AKR1D1: variants seen among roughly 807,000 people sequenced by gnomAD.
The protein encoded by AKR1D1 is delta(4)-3-ketosteroid 5-beta-reductase.
In AKR1D1, 32 loss-of-function variants were observed where a neutral mutation model predicts 42.6. The observed-to-expected ratio is 0.75, with a 90% confidence interval of 0.57 to 1.01. AKR1D1 has a LOEUF of 1.01. Among genes scored for constraint, AKR1D1 ranks in the 50% least tolerant of loss-of-function variants. The pLI, the probability that AKR1D1 is intolerant of heterozygous loss-of-function variation, is 0.00. For synonymous variants in AKR1D1, 123 were observed against 135.5 expected, an observed-to-expected ratio of 0.91 and a Z score of 0.64; for missense variants, 364 against 402.2, an observed-to-expected ratio of 0.91 and a Z score of 0.81.
Position 138,107,659 on chromosome 7 carries a change from T to C in AKR1D1, c.855+79T>C, listed in dbSNP as rs557523692. On this transcript the variant is annotated intron_variant, in intron 7 of 8. Transcript: ENST00000242375. ...CTTTTATAGAATGTGTTCAGCTTAATAGGAAACCTGTAACACTCTCATATT... is the reference window on the plus strand; with the variant it reads ...CTTTTATAGAATGTGTTCAGCTTAACAGGAAACCTGTAACACTCTCATATT... 6.7e-6 allele frequency: 10 copies of C among 1,485,366 alleles called. No homozygotes were observed. The African/African-American group carries it at 1.1e-4, about 16-fold the overall frequency. The allele number at this position is 1,485,366 out of a possible 1,614,324, so 92.0% of individuals were successfully genotyped here.
intron 2 of AKR1D1, among the ~76,000 whole-genome samples, chr7:138,089,128 G>T (rs1309347240): frequency 4.6e-5 from 7 of 152,130 alleles, no homozygotes; most frequent in African/African-American, 1.7e-4. Flanking sequence ...CAGGTGTTTT[G>T]CTTGAGCTCA....
At chr7:138,111,354 C>G (rs1794533434) in intron 7 of AKR1D1, among the ~76,000 whole-genome samples, 1 of 152,142 alleles carries the variant, frequency 6.6e-6, no homozygotes, top group Middle Eastern at 3.2e-3. Context: ...CATTCCCTTC[C>G]CCCACTATCT....
rs550662196 is a variant in AKR1D1 at position 138,084,601 on chromosome 7, G to A, written c.94-4000G>A. Reference sequence around the variant, plus strand: ...ACCAGATTTTTTGTTTTACTGTTCAGTGAGATTGTCTTTAATTGTGGAATC... The same window carrying A: ...ACCAGATTTTTTGTTTTACTGTTCAATGAGATTGTCTTTAATTGTGGAATC... On this transcript the variant is annotated intron_variant, in intron 1 of 8. Coordinates refer to ENST00000242375, the MANE Select transcript of AKR1D1 (RefSeq NM_005989.4). Among the ~76,000 whole-genome samples, 9 of 152,220 alleles carry A rather than the reference G, an allele frequency of 5.9e-5. No individual in the cohort carries two copies. The South Asian group carries it at 1.7e-3, about 28-fold the overall frequency.
chr7:138,083,320 T>C (rs912757123), intron 1 of AKR1D1, among the ~76,000 whole-genome samples: 1 of 152,266 alleles, frequency 6.6e-6, no homozygotes, highest in African/African-American at 2.4e-5. Flanking sequence ...ATATACCTAT[T>C]GGCCATTTGT....
intron 3 of AKR1D1, 62 bp from the exon 4 acceptor site, chr7:138,097,804 A>T: frequency 1.6e-6 from 2 of 1,279,738 alleles, no homozygotes; most frequent in Admixed American, 3.6e-5. Flanking sequence ...TCTAAATTCT[A>T]TTATTTAATT....
chr7:138,094,842 GT>G lies in AKR1D1; in HGVS notation c.378+2965del, dbSNP rs542608958. Among the ~76,000 whole-genome samples the G allele has an allele frequency of 4.5e-3, 691 of 152,234 alleles. 2 individuals carry two copies. Among genetic ancestry groups the G allele is most frequent in the Non-Finnish European group, 7.6e-3 (516 of 68,018 alleles). The stretch of plus-strand genomic sequence containing the variant: ...ACTTCACATGCTTTTTGAATCTTAA[GT>G]TTTTTTAAACAAAAAATCTTTTTTG... On this transcript the variant is annotated intron_variant, in intron 3 of 8. Coordinates refer to ENST00000242375, the MANE Select transcript of AKR1D1 (RefSeq NM_005989.4).
At chr7:138,096,158 A>T (rs1243721185) in intron 3 of AKR1D1, among the ~76,000 whole-genome samples, 1 of 152,028 alleles carries the variant, frequency 6.6e-6, no homozygotes, top group Admixed American at 6.6e-5. Context: ...GTGAGCCATA[A>T]TCATGCCACC....
chr7:138,082,251 G>C (rs997084286), intron 1 of AKR1D1, among the ~76,000 whole-genome samples: 2 of 152,058 alleles, frequency 1.3e-5, no homozygotes, highest in Admixed American at 6.6e-5. Context: ...TGTTTGTTTT[G>C]TTTATAGAAT....
intron 1 of AKR1D1, among the ~76,000 whole-genome samples, chr7:138,086,369 C>T (rs1803179346): frequency 6.6e-6 from 1 of 152,138 alleles, no homozygotes; most frequent in South Asian, 2.1e-4. Context: ...GGCCTTTTGA[C>T]TCAATTACTG....
chr7:138,077,331 CA>C (rs1802961083), intron 1 of AKR1D1, among the ~76,000 whole-genome samples: 3 of 152,100 alleles, frequency 2.0e-5, no homozygotes, highest in African/African-American at 7.2e-5. Context: ...AAGATGGCAG[CA>C]AGGAGAAGTG....
intron 4 of AKR1D1, among the ~76,000 whole-genome samples, chr7:138,104,959 C>T (rs2117458912): frequency 6.6e-6 from 1 of 152,154 alleles, no homozygotes; most frequent in Non-Finnish European, 1.5e-5. Flanking sequence ...AAGTCTCACT[C>T]TGTTGCCCAG....
At chr7:138,098,562 A>T (rs1794228747) in intron 4 of AKR1D1, among the ~76,000 whole-genome samples, 1 of 152,178 alleles carries the variant, frequency 6.6e-6, no homozygotes, top group African/African-American at 2.4e-5. Context: ...GTGAGCCGAG[A>T]TCATGCCACT....
intron 1 of AKR1D1, among the ~76,000 whole-genome samples, chr7:138,079,130 C>T (rs1158203853): frequency 6.6e-6 from 1 of 152,168 alleles, no homozygotes; most frequent in Non-Finnish European, 1.5e-5. Flanking sequence ...TGACACCCGG[C>T]CCTAAACATT....
At chr7:138,097,627 T>C (rs1194077768) in intron 3 of AKR1D1, among the ~76,000 whole-genome samples, 1 of 152,180 alleles carries the variant, frequency 6.6e-6, no homozygotes, top group Non-Finnish European at 1.5e-5. Context: ...CAGATGCAGG[T>C]GTCAGCTGTA....
At chr7:138,107,133 C>T (rs1206779353) in intron 6 of AKR1D1, 1 of 602,338 alleles carries the variant, frequency 1.7e-6, no homozygotes, top group African/African-American at 1.8e-5. Flanking sequence ...TTCAGTCTTC[C>T]TACCTTTCCC....
At chr7:138,113,519 C>T (rs1794573940) in intron 7 of AKR1D1, among the ~76,000 whole-genome samples, 171 bp from the exon 8 acceptor site, 1 of 152,072 alleles carries the variant, frequency 6.6e-6, no homozygotes, top group African/African-American at 2.4e-5. Context: ...AAACAAAGGG[C>T]AGAACAGAGT....
intron 2 of AKR1D1, among the ~76,000 whole-genome samples, chr7:138,089,805 C>T (rs1270993641): frequency 6.6e-5 from 10 of 152,134 alleles, no homozygotes; most frequent in Non-Finnish European, 1.5e-4. Context: ...TTGCTATTGC[C>T]TCATCAGGAC....
intron 1 of AKR1D1, among the ~76,000 whole-genome samples, chr7:138,082,450 TCTCAC>T (rs1427621012): frequency 6.6e-6 from 1 of 151,992 alleles, no homozygotes; most frequent in African/African-American, 2.4e-5. Flanking sequence ...TCACTGAAGA[TCTCAC>T]CTCCTGGGCT....
At chr7:138,097,839 C>T (rs1412397424) in intron 3 of AKR1D1, 27 bp from the exon 4 acceptor site, 9 of 1,422,476 alleles carry the variant, frequency 6.3e-6, no homozygotes, top group Non-Finnish European at 8.7e-6. Context: ...AAATGAATTA[C>T]ATTTATTCTT....
Sources: allele counts gnomAD v4.1 joint callset (sites outside exome capture counted in the v4.1 genomes callset), GRCh38; gene constraint gnomAD v4.1.1; transcripts MANE v1.5; gene names NCBI Gene and HGNC (gene_info 2026-07-23, HGNC 2026-07-21).